KPNA6: variants seen among roughly 807,000 people sequenced by gnomAD.
KPNA6 encodes the protein importin subunit alpha-7.
A neutral mutation model predicts 72.0 loss-of-function variants in KPNA6; 9 were observed. The observed-to-expected ratio is 0.13, with a 90% CI of 0.08 to 0.22. The LOEUF is 0.22. KPNA6 is among the 10% of genes least tolerant of loss of function. The pLI is 1.00. For synonymous variants in KPNA6, 219 were observed against 242.1 expected, an observed-to-expected ratio of 0.90 and a Z score of 0.89; for missense variants, 374 against 655.7, an observed-to-expected ratio of 0.57 and a Z score of 4.69.
At chr1:32,116,321 A>G (rs1007016474) in intron 1 of KPNA6, among the ~76,000 whole-genome samples, 1 of 147,968 alleles carries the variant, frequency 6.8e-6, no homozygotes, top group Non-Finnish European at 1.5e-5. Flanking sequence ...TGTTTTTTTT[A>G]AACATTTGTG....
chr1:32,147,970 T>C (rs1641960491), intron 1 of KPNA6, among the ~76,000 whole-genome samples: 1 of 152,200 alleles, frequency 6.6e-6, no homozygotes, highest in Non-Finnish European at 1.5e-5. Flanking sequence ...CCAGCCTGAC[T>C]TTCATAATTT....
intron 1 of KPNA6, among the ~76,000 whole-genome samples, chr1:32,112,385 G>T (rs2124518928): frequency 6.6e-6 from 1 of 152,242 alleles, no homozygotes; most frequent in Admixed American, 6.5e-5. Flanking sequence ...AATAAAGCAA[G>T]TCACATGAAT....
chr1:32,153,571 CAAAAAAAAAA>C (rs554895996), intron 1 of KPNA6, among the ~76,000 whole-genome samples: 51 of 60,476 alleles, frequency 8.4e-4, no homozygotes, highest in Admixed American at 2.0e-3. Context: ...AACTCTGTCT[CAAAAAAAAAA>C]AAAAAAAAAG....
intron 7 of KPNA6, 117 bp downstream of exon 7, chr1:32,160,820 T>C (rs1044935821): frequency 4.2e-6 from 3 of 710,766 alleles, no homozygotes; most frequent in Non-Finnish European, 7.7e-6. Flanking sequence ...ACTATAAAAA[T>C]GCATTCTGAT....
At position 32,162,410 on chromosome 1, in the gene KPNA6, C is replaced by T. The variant is rs781203110; in HGVS notation, c.797C>T (p.Ser266Leu). The T allele has an allele frequency of 1.4e-5, 22 of 1,613,672 alleles. No homozygotes were observed. Among genetic ancestry groups the T allele is most frequent in the South Asian group, 5.5e-5 (5 of 91,038 alleles). The change falls in exon 9 of 14, where the codon TCG becomes TTG. Residue 266 changes from serine (S) to leucine (L), a missense_variant. By Grantham distance (145) the Ser-to-Leu change is moderately radical (BLOSUM62 -2). This residue lies in a region of KPNA6 where 298 missense variants were observed against 495.4 expected (regional missense o/e 0.60). Transcript: ENST00000373625. ...TCTCGCCTACTCTTCAGCAGCGACTCGGACTTGCTGGCAGATGCTTGCTGG... is the reference window on the plus strand; with the variant it reads ...TCTCGCCTACTCTTCAGCAGCGACTTGGACTTGCTGGCAGATGCTTGCTGG... ...VLSRLLFSSDSDLLADACWAL... is the reference protein window; with the variant it reads ...VLSRLLFSSDLDLLADACWAL...
chr1:32,108,181 C>G (rs752268082), intron 1 of KPNA6, 47 bp downstream of exon 1: 1 of 1,612,870 alleles, frequency 6.2e-7, no homozygotes, highest in Non-Finnish European at 8.5e-7. Flanking sequence ...CAGGGAGTGT[C>G]GGGGCCTGGG....
Position 32,141,254 on chromosome 1 carries a change from T to C in KPNA6, c.5-13334T>C, listed in dbSNP as rs367700940. Among the ~76,000 whole-genome samples, 119 of 152,004 alleles carry C rather than the reference T, an allele frequency of 7.8e-4. 1 individual carries two copies. In the Middle Eastern group the frequency reaches 0.014, roughly 18 times the overall value. ...TTTAAAATGTTTATGAATCTCAAAA[T>C]GTTAAACATACCAGTGATTAAATGG... is the stretch of plus-strand genomic sequence containing the variant. On this transcript the variant is annotated intron_variant, in intron 1 of 13. Transcript: ENST00000373625.
intron 8 of KPNA6, 103 bp downstream of exon 8, chr1:32,162,149 A>T: frequency 9.8e-7 from 1 of 1,020,106 alleles, no homozygotes; most frequent in Non-Finnish European, 1.5e-6. Flanking sequence ...TGGGAAACTG[A>T]AAGAAGCAAT....
At chr1:32,125,035 G>A (rs1641508931) in intron 1 of KPNA6, among the ~76,000 whole-genome samples, 1 of 150,894 alleles carries the variant, frequency 6.6e-6, no homozygotes, top group Non-Finnish European at 1.5e-5. Context: ...AGTGGAGATG[G>A]TGTTCCACCG....
intron 1 of KPNA6, among the ~76,000 whole-genome samples, chr1:32,123,739 TAA>T (rs56952347): frequency 6.3e-4 from 63 of 99,800 alleles, no homozygotes; most frequent in South Asian, 6.5e-4. Context: ...GACCCTGTCT[TAA>T]AAAAAAAAAA....
rs1351944855 is a variant in KPNA6, at chr1:32,173,770, A to AT, written c.*2877dup. The AT allele has an allele frequency of 2.0e-5, 3 of 152,202 alleles. No individual in the cohort carries two copies. Among genetic ancestry groups the AT allele is most frequent in the African/African-American group, 7.2e-5 (3 of 41,418 alleles). The allele number at this position is 152,202 out of a possible 1,614,324, so 9.4% of individuals were successfully genotyped here. A position where few individuals can be genotyped will look rare whatever the true frequency, so the allele number is the denominator to read the frequency against. ...GTAAGGCTCTCTGGTTATTGCCAGGATGGAGCCCCTCTACCCCAGTCTGCT... is the reference window on the plus strand; with the variant it reads ...GTAAGGCTCTCTGGTTATTGCCAGGATTGGAGCCCCTCTACCCCAGTCTGCT... On this transcript the variant is annotated 3_prime_UTR_variant, in exon 14 of 14. Coordinates refer to ENST00000373625, the MANE Select transcript of KPNA6 (RefSeq NM_012316.5).
In KPNA6 at chr1:32,154,654, C is replaced by G; in HGVS notation, c.71C>G (p.Pro24Arg). Reference protein sequence around the residue: ...MKSYKNNALNPEEMRRRREEE... With the variant: ...MKSYKNNALNREEMRRRREEE... ...AGCTATAAGAACAATGCTCTAAACC[C>G]TGAAGAAATGAGACGAAGAAGAGAG... Residue 24 changes from proline (P) to arginine (R), a missense_variant, in exon 2 of 14, where the codon CCT (proline) becomes CGT (arginine). This residue lies in a region of KPNA6 where 298 missense variants were observed against 495.4 expected (regional missense o/e 0.60). Coordinates refer to ENST00000373625, the MANE Select transcript of KPNA6 (RefSeq NM_012316.5). The G allele has an allele frequency of 6.2e-7, 1 of 1,614,056 alleles. No homozygotes were observed. Among genetic ancestry groups the G allele is most frequent in the Non-Finnish European group, 8.5e-7 (1 of 1,179,958 alleles).
At position 32,146,696 on chromosome 1, in the gene KPNA6, T is replaced by C. The variant is rs1641934976; in HGVS notation, c.5-7892T>C. ...GATTTATAATTATTTTATGCATTTG[T>C]CTTTTAAATCATGTAGGAAATGAAA... On this transcript the variant is annotated intron_variant, in intron 1 of 13. Transcript: ENST00000373625. Among the ~76,000 whole-genome samples, 4 of 152,230 alleles carry C rather than the reference T, an allele frequency of 2.6e-5. No homozygotes were observed. The South Asian group carries it at 8.3e-4, about 31-fold the overall frequency.
Position 32,138,095 on chromosome 1 carries a change from A to G in KPNA6, c.5-16493A>G, listed in dbSNP as rs144183420. 7.2e-3 allele frequency among the ~76,000 whole-genome samples: 1,098 copies of G among 151,682 alleles called. 18 individuals are homozygous for G. The highest frequency in any genetic ancestry group is 0.026 in the African/African-American group (1,058 of 41,314). ...GGTTGCGATGAGCCAAGATCGTGCC[A>G]CTGCACTCTAGCCTGGATGACAAGA... On this transcript the variant is annotated intron_variant, in intron 1 of 13. Coordinates refer to ENST00000373625, the MANE Select transcript of KPNA6 (RefSeq NM_012316.5).
rs1642511468 is a variant in KPNA6 at position 32,175,546 on chromosome 1, A to T, written c.*4652A>T. On this transcript the variant is annotated 3_prime_UTR_variant, in exon 14 of 14. Coordinates refer to ENST00000373625, the MANE Select transcript of KPNA6 (RefSeq NM_012316.5). ...ATGCCTGTAATCCCAGCACTTTGGG[A>T]GGCCGAGGCGGGTGGATCACGAGGT... is the stretch of plus-strand genomic sequence containing the variant. 1 of 152,214 alleles carries T rather than the reference A, an allele frequency of 6.6e-6. No individual in the cohort carries two copies. The highest frequency in any genetic ancestry group is 1.5e-5 in the Non-Finnish European group (1 of 68,128). The allele number at this position is 152,214 out of a possible 1,614,324, so 9.4% of individuals were successfully genotyped here.
intron 11 of KPNA6, among the ~76,000 whole-genome samples, chr1:32,166,831 G>A (rs1255788623): frequency 2.0e-5 from 3 of 151,578 alleles, no homozygotes; most frequent in South Asian, 2.1e-4. Context: ...ACAGCTAGTC[G>A]GGAGGCTGAG....
At chr1:32,148,091 G>A (rs190455052) in intron 1 of KPNA6, among the ~76,000 whole-genome samples, 6 of 152,122 alleles carry the variant, frequency 3.9e-5, no homozygotes, top group South Asian at 2.1e-4. Flanking sequence ...TTGATTATGT[G>A]TCTCAATGTG....
At chr1:32,138,584 G>A (rs984288505) in intron 1 of KPNA6, among the ~76,000 whole-genome samples, 1 of 151,858 alleles carries the variant, frequency 6.6e-6, no homozygotes, top group Non-Finnish European at 1.5e-5. Flanking sequence ...GGAAGCTAAG[G>A]GAGATCGTGA....
chr1:32,133,827 G>T (rs985199466), intron 1 of KPNA6, among the ~76,000 whole-genome samples: 11 of 151,942 alleles, frequency 7.2e-5, no homozygotes, highest in African/African-American at 2.7e-4. Context: ...ATCACTTGAG[G>T]TCAGGAGTTC....
Sources: allele counts gnomAD v4.1 joint callset (sites outside exome capture counted in the v4.1 genomes callset), GRCh38; gene constraint gnomAD v4.1.1; regional missense constraint gnomAD v4.1.1; transcripts MANE v1.5; gene names NCBI Gene and HGNC (gene_info 2026-07-23, HGNC 2026-07-21).